Variants in CACNA1A observed in about 807,000 individuals in gnomAD.
The protein encoded by CACNA1A is calcium voltage-gated channel subunit alpha1 A.
CACNA1A carries 57 observed loss-of-function variants against 262.4 expected under a neutral mutation model. The observed-to-expected ratio is 0.22, with a 90% CI of 0.18 to 0.27. The LOEUF is 0.27. Among genes scored for constraint, CACNA1A ranks in the 10% least tolerant of loss-of-function variants. The pLI is 1.00. For synonymous variants in CACNA1A, 1,431 were observed against 1,419.3 expected, an observed-to-expected ratio of 1.01 and a Z score of -0.18; for missense variants, 2,526 against 3,562.8, an observed-to-expected ratio of 0.71 and a Z score of 7.41.
At chr19:13,326,252 T>G (rs1396267251) in intron 10 of CACNA1A, among the ~76,000 whole-genome samples, 1 of 151,218 alleles carries the variant, frequency 6.6e-6, no homozygotes, top group Non-Finnish European at 1.5e-5. Flanking sequence ...AAGGTGGAGG[T>G]TGCAGTGAGC....
chr19:13,424,367 CACAAACAAACAA>C (rs534908974), intron 3 of CACNA1A, among the ~76,000 whole-genome samples: 3 of 152,120 alleles, frequency 2.0e-5, no homozygotes, highest in Non-Finnish European at 4.4e-5. Context: ...GAGACTCCGT[CACAAACAAACAA>C]ACAAACAAAC....
intron 3 of CACNA1A, among the ~76,000 whole-genome samples, chr19:13,409,447 G>C (rs77992431): frequency 0.04 from 6,136 of 152,044 alleles, 277 homozygotes; most frequent in African/African-American, 0.11. Context: ...AAATACGCCA[G>C]GCACTTAGCC....
chr19:13,416,702 C>T (rs551186112), intron 3 of CACNA1A, among the ~76,000 whole-genome samples: 248 of 152,204 alleles, frequency 1.6e-3, no homozygotes, highest in African/African-American at 5.7e-3. Context: ...GTAATCCCAG[C>T]TACTCAGGAG....
intron 15 of CACNA1A, among the ~76,000 whole-genome samples, chr19:13,304,438 G>A (rs1193140632): frequency 1.3e-5 from 2 of 151,708 alleles, no homozygotes; most frequent in Admixed American, 6.6e-5. Flanking sequence ...AGATTAGCCT[G>A]GGCAATATAG....
intron 3 of CACNA1A, among the ~76,000 whole-genome samples, chr19:13,430,595 G>A (rs2060489523): frequency 2.0e-5 from 3 of 152,146 alleles, no homozygotes; most frequent in Admixed American, 2.0e-4. Context: ...GCCCCTGGAA[G>A]ATTTTACTGG....
chr19:13,502,020 A>G (rs1982431820), intron 1 of CACNA1A, among the ~76,000 whole-genome samples: 1 of 152,182 alleles, frequency 6.6e-6, no homozygotes, highest in African/African-American at 2.4e-5. Flanking sequence ...AGGATCACGT[A>G]AGTGACACCA....
At chr19:13,216,693 A>G (rs182105737) in intron 38 of CACNA1A, among the ~76,000 whole-genome samples, 267 of 58,654 alleles carry the variant, frequency 4.6e-3, no homozygotes, top group African/African-American at 0.016. Flanking sequence ...CTATCTATCT[A>G]TCTATCATCT....
chr19:13,235,893 AGG>A, intron 31 of CACNA1A, 163 bp from the exon 32 acceptor site: 1 of 577,902 alleles, frequency 1.7e-6, no homozygotes, highest in Non-Finnish European at 3.1e-6. Context: ...AATGATGCAG[AGG>A]AAAAACTCGA....
chr19:13,495,336 G>A (rs1405770480), intron 1 of CACNA1A, among the ~76,000 whole-genome samples: 11 of 151,904 alleles, frequency 7.2e-5, no homozygotes, highest in Middle Eastern at 3.4e-3. Context: ...TCGTTCTGTC[G>A]CCCAAGCTGG....
chr19:13,365,214 C>T, intron 5 of CACNA1A, 103 bp downstream of exon 5: 1 of 1,012,480 alleles, frequency 9.9e-7, no homozygotes, highest in Non-Finnish European at 1.5e-6. Context: ...GGAGACGGTC[C>T]TCCCAGCTGC....
At chr19:13,243,618 A>G (rs10406639) in intron 31 of CACNA1A, 122,582 of 151,776 alleles carry the variant, frequency 0.81, 50,425 homozygotes, top group East Asian at 1. Context: ...GTGCAATGGT[A>G]TGACCGTCGC....
In CACNA1A at chr19:13,506,274, A is replaced by AGACGCC. The variant is rs1983031057; in HGVS notation, c.-56_-51dup. The AGACGCC allele has an allele frequency of 7.3e-7, 1 of 1,371,784 alleles. No individual in the cohort carries two copies. Among genetic ancestry groups the AGACGCC allele is most frequent in the Non-Finnish European group, 9.4e-7 (1 of 1,066,458 alleles). 85.0% of individuals were successfully genotyped at this position (1,371,784 alleles called of 1,614,324 possible). On this transcript the variant is annotated 5_prime_UTR_variant, in exon 1 of 47. Transcript: ENST00000360228. Reference sequence around the variant, plus strand: ...GTTACGCTGCGGCGAACGATGCGGAAGACGCCGCCGCCGCCGCCGCCGCCG... The same window carrying AGACGCC: ...GTTACGCTGCGGCGAACGATGCGGAAGACGCCGACGCCGCCGCCGCCGCCGCCGCCG...
chr19:13,393,673 TTC>T (rs1394470575), intron 3 of CACNA1A, among the ~76,000 whole-genome samples: 178 of 149,164 alleles, frequency 1.2e-3, no homozygotes, highest in East Asian at 6.7e-3. Context: ...TTTTCTTTCT[TTC>T]TCTTTCTTTC....
chr19:13,399,066 C>T (rs944096567), intron 3 of CACNA1A, among the ~76,000 whole-genome samples: 1 of 152,180 alleles, frequency 6.6e-6, no homozygotes, highest in African/African-American at 2.4e-5. Flanking sequence ...AGAAATGCTG[C>T]TCGGGGCTTG....
chr19:13,429,337 C>T (rs2144819154), intron 3 of CACNA1A, among the ~76,000 whole-genome samples: 1 of 151,848 alleles, frequency 6.6e-6, no homozygotes, highest in East Asian at 1.9e-4. Flanking sequence ...TCTCAGATGC[C>T]ACACGCTGCC....
At chr19:13,313,092 C>T (rs1305974571) in intron 11 of CACNA1A, among the ~76,000 whole-genome samples, 2 of 152,034 alleles carry the variant, frequency 1.3e-5, no homozygotes, top group African/African-American at 2.4e-5. Context: ...AACTCCTGGC[C>T]TCAAGTGATC....
chr19:13,280,674 C>T (rs1012291147), intron 22 of CACNA1A, among the ~76,000 whole-genome samples: 2 of 152,028 alleles, frequency 1.3e-5, no homozygotes, highest in East Asian at 1.9e-4. Flanking sequence ...GGCGTGGTGG[C>T]TCACGCCTGT....
intron 10 of CACNA1A, among the ~76,000 whole-genome samples, chr19:13,329,879 A>G (rs1464271963): frequency 6.6e-6 from 1 of 151,382 alleles, no homozygotes; most frequent in African/African-American, 2.4e-5. Context: ...CTCCCAGCTC[A>G]GCCTCGTGAC....
At chr19:13,398,089 C>T (rs1012416420) in intron 3 of CACNA1A, among the ~76,000 whole-genome samples, 1 of 151,868 alleles carries the variant, frequency 6.6e-6, no homozygotes, top group Admixed American at 6.6e-5. Context: ...TGGTGAAACC[C>T]CACCTATACT....
Sources: allele counts gnomAD v4.1 joint callset (sites outside exome capture counted in the v4.1 genomes callset), GRCh38; gene constraint gnomAD v4.1.1; transcripts MANE v1.5; gene names NCBI Gene and HGNC (gene_info 2026-07-23, HGNC 2026-07-21).